Variants in TMEM232 observed in about 807,000 individuals in gnomAD.
The protein encoded by TMEM232 is transmembrane protein 232.
Under a neutral mutation model 78.8 loss-of-function variants are expected in TMEM232, and 80 were observed. The ratio of observed to expected loss-of-function variants is 1.01; its 90% CI spans 0.85 to 1.22. The LOEUF (loss-of-function observed/expected upper bound fraction) is 1.22. Among genes scored for constraint, TMEM232 ranks in the 50% most tolerant of loss-of-function variants. The pLI, the probability that TMEM232 is intolerant of heterozygous loss-of-function variation, is 0.00. For missense variants in TMEM232, 881 were observed against 742.2 expected, an observed-to-expected ratio of 1.19 and a Z score of -2.17; for synonymous variants, 297 against 254.3, an observed-to-expected ratio of 1.17 and a Z score of -1.60.
In TMEM232 at chr5:110,464,157, G is replaced by A. The variant is rs76206675; in HGVS notation, c.1704-39241C>T. Among the ~76,000 whole-genome samples the A allele has an allele frequency of 7.6e-3, 1,163 of 152,212 alleles. 20 individuals are homozygous for A. Among genetic ancestry groups the A allele is most frequent in the African/African-American group, 0.027 (1,103 of 41,520 alleles). On this transcript the variant is annotated intron_variant, in intron 12 of 13. Coordinates refer to ENST00000455884, the MANE Select transcript of TMEM232 (RefSeq NM_001039763.4). ...TTACACATTTGTTGTCCCCATTCAAGAACTATAAGAGGAAGGAATATAGTT... is the reference window on the plus strand; with the variant it reads ...TTACACATTTGTTGTCCCCATTCAAAAACTATAAGAGGAAGGAATATAGTT...
intron 2 of TMEM232, among the ~76,000 whole-genome samples, chr5:110,732,401 T>C (rs1798769113): frequency 6.6e-6 from 1 of 152,204 alleles, no homozygotes; most frequent in African/African-American, 2.4e-5. Context: ...ATTTTCATGC[T>C]GCTGATAAAG....
intron 10 of TMEM232, among the ~76,000 whole-genome samples, chr5:110,587,020 A>G (rs1778896333): frequency 6.6e-6 from 1 of 152,154 alleles, no homozygotes; most frequent in Non-Finnish European, 1.5e-5. Context: ...ATCGCAAGTT[A>G]TAAAAAGAGA....
chr5:110,537,290 T>C (rs1561651368), intron 11 of TMEM232, among the ~76,000 whole-genome samples: 1 of 140,496 alleles, frequency 7.1e-6, no homozygotes, highest in East Asian at 2.0e-4. Flanking sequence ...TATATATATA[T>C]ATTTTTTTTT....
intron 12 of TMEM232, among the ~76,000 whole-genome samples, chr5:110,474,718 CAGTT>C (rs1354498879): frequency 1.3e-5 from 2 of 151,872 alleles, no homozygotes; most frequent in Admixed American, 6.6e-5. Context: ...GCTATAGAAA[CAGTT>C]AATATATAAA....
chr5:110,558,820 C>T (rs537479068), intron 11 of TMEM232, among the ~76,000 whole-genome samples: 8 of 152,292 alleles, frequency 5.3e-5, no homozygotes, highest in Admixed American at 1.3e-4. Flanking sequence ...ATTATGGGGT[C>T]TCCTGCAGCT....
In TMEM232 at chr5:110,654,229, A is replaced by G. The variant is rs146180038; in HGVS notation, c.126-11858T>C. Among the ~76,000 whole-genome samples the G allele has an allele frequency of 7.5e-3, 1,149 of 152,288 alleles. 9 individuals are homozygous for G. The highest frequency in any genetic ancestry group is 0.01 in the Non-Finnish European group (699 of 68,016). On this transcript the variant is annotated intron_variant, in intron 2 of 13. Coordinates refer to ENST00000455884, the MANE Select transcript of TMEM232 (RefSeq NM_001039763.4). ...TTTGTCACAGTACACATCTGATGCC[A>G]GCTGGGCCAATTCAGGTCTCTTTCT...
At chr5:110,431,757 G>T (rs533001208) in intron 12 of TMEM232, among the ~76,000 whole-genome samples, 10 of 151,872 alleles carry the variant, frequency 6.6e-5, no homozygotes, top group African/African-American at 2.2e-4. Flanking sequence ...GTTGGTAGGT[G>T]TATATAACAG....
chr5:110,533,957 G>A (rs1292237725), intron 11 of TMEM232, among the ~76,000 whole-genome samples: 1 of 152,052 alleles, frequency 6.6e-6, no homozygotes, highest in Non-Finnish European at 1.5e-5. Flanking sequence ...ACTTCTCAGT[G>A]TTCCATCTGC....
At chr5:110,561,647 T>C (rs1775761071) in intron 11 of TMEM232, among the ~76,000 whole-genome samples, 1 of 152,096 alleles carries the variant, frequency 6.6e-6, no homozygotes, top group South Asian at 2.1e-4. Flanking sequence ...ACTAAGAGGC[T>C]TAACACAACC....
At chr5:110,503,729 CT>C (rs1766537299) in intron 12 of TMEM232, among the ~76,000 whole-genome samples, 1 of 152,166 alleles carries the variant, frequency 6.6e-6, no homozygotes, top group African/African-American at 2.4e-5. Flanking sequence ...ATTACTATCC[CT>C]GTTATACACA....
intron 10 of TMEM232, among the ~76,000 whole-genome samples, chr5:110,578,986 T>C (rs887084409): frequency 6.6e-5 from 10 of 151,624 alleles, no homozygotes; most frequent in East Asian, 1.9e-4. Context: ...AAAATGTACA[T>C]CCAGATCCAG....
intron 1 of TMEM232, among the ~76,000 whole-genome samples, chr5:110,700,774 A>ATAGACAGATAGG (rs1795332737): frequency 2.4e-5 from 3 of 124,202 alleles, no homozygotes; most frequent in African/African-American, 9.4e-5. Context: ...AGGTAGGTAG[A>ATAGACAGATAGG]TAGATAGATA....
intron 8 of TMEM232, chr5:110,610,531 G>C: frequency 2.2e-6 from 1 of 456,178 alleles, no homozygotes; most frequent in Non-Finnish European, 4.4e-6. Context: ...AGCAGCCATA[G>C]TATTTGTGCA....
chr5:110,610,568 T>G (rs1398209518), intron 8 of TMEM232: 1 of 456,294 alleles, frequency 2.2e-6, no homozygotes, highest in East Asian at 7.0e-5. Context: ...AGTTTCTCTC[T>G]AGGTAAAGCA....
intron 12 of TMEM232, among the ~76,000 whole-genome samples, chr5:110,452,302 T>C (rs1760390084): frequency 6.6e-6 from 1 of 152,202 alleles, no homozygotes; most frequent in Non-Finnish European, 1.5e-5. Context: ...TCTACCTGGT[T>C]GGTTAATCCG....
chr5:110,629,207 T>G (rs1008338537), intron 5 of TMEM232, among the ~76,000 whole-genome samples: 1 of 152,044 alleles, frequency 6.6e-6, no homozygotes, highest in Non-Finnish European at 1.5e-5. Flanking sequence ...GAGGATAATT[T>G]AATATTTTTC....
chr5:110,708,148 G>C (rs971782945), intron 1 of TMEM232, among the ~76,000 whole-genome samples: 2 of 152,142 alleles, frequency 1.3e-5, no homozygotes, highest in Admixed American at 6.5e-5. Context: ...GGCAGGTAAA[G>C]GTGACATTGT....
intron 8 of TMEM232, among the ~76,000 whole-genome samples, chr5:110,606,947 A>T (rs1278664049): frequency 5.3e-5 from 8 of 152,018 alleles, no homozygotes. Context: ...TAATAAGAGA[A>T]CAAATTAAAA....
At chr5:110,697,284 T>C (rs577767280) in intron 1 of TMEM232, among the ~76,000 whole-genome samples, 4 of 152,100 alleles carry the variant, frequency 2.6e-5, no homozygotes, top group Non-Finnish European at 5.9e-5. Flanking sequence ...TTACACCTTA[T>C]ACAAAAATTA....
Sources: allele counts gnomAD v4.1 joint callset (sites outside exome capture counted in the v4.1 genomes callset), GRCh38; gene constraint gnomAD v4.1.1; transcripts MANE v1.5; gene names NCBI Gene and HGNC (gene_info 2026-07-23, HGNC 2026-07-21).